OR8G5: variants seen among roughly 807,000 people sequenced by gnomAD.
OR8G5 encodes the protein olfactory receptor family 8 subfamily G member 5.
For missense variants in OR8G5, 347 were observed against 371.9 expected (o/e 0.93, Z 0.55); for synonymous variants, 147 against 147.7 (o/e 1.00, Z 0.03).
At position 124,256,420 on chromosome 11, in the gene OR8G5, A is replaced by G. The variant is rs1339130703; in HGVS notation, c.-229A>G. The G allele has an allele frequency of 6.6e-6, 1 of 152,246 alleles. No homozygotes were observed. Among genetic ancestry groups the G allele is most frequent in the African/African-American group, 2.4e-5 (1 of 41,466 alleles). 9.4% of individuals were successfully genotyped at this position (152,246 alleles called of 1,614,324 possible). On this transcript the variant is annotated 5_prime_UTR_variant, in exon 1 of 2. Transcript: ENST00000641992. ...GGATGTGTGCTAGAGCTAGAGAAAC[A>G]CAACTGAAAAGTGACAACTGGAGAT...
In OR8G5 at chr11:124,265,459, T is replaced by C. The variant is rs564166066; in HGVS notation, c.528T>C (p.His176=). 78 of 1,614,040 alleles carry C rather than the reference T, an allele frequency of 4.8e-5. 1 individual carries two copies. The South Asian group carries it at 6.9e-4, about 14-fold the overall frequency. Residue 176 remains histidine, a synonymous_variant, in exon 2 of 2, where the codon CAT becomes CAC. Coordinates refer to ENST00000641992, the MANE Select transcript of OR8G5 (RefSeq NM_001005198.2). ...TCTGCAAATTTGATGTGATCAACCA[T>C]TATTTCTGTGATCTTATTTCTATCT... ...VQFCKFDVIN[H]YFCDLISILK...
intron 1 of OR8G5, among the ~76,000 whole-genome samples, chr11:124,257,614 C>G (rs2137756191): frequency 6.6e-6 from 1 of 152,270 alleles, no homozygotes; most frequent in South Asian, 2.1e-4. Context: ...CAGGTAATCT[C>G]TTGGAGCTGC....
chr11:124,257,457 A>G (rs1259640296), intron 1 of OR8G5, among the ~76,000 whole-genome samples: 1 of 152,188 alleles, frequency 6.6e-6, no homozygotes, highest in African/African-American at 2.4e-5. Flanking sequence ...TACTCTCTTC[A>G]TGGAAGAGAG....
chr11:124,262,586 T>A (rs537216907), intron 1 of OR8G5, among the ~76,000 whole-genome samples: 1 of 152,128 alleles, frequency 6.6e-6, no homozygotes, highest in South Asian at 2.1e-4. Flanking sequence ...AGAAACATAA[T>A]GTTTTTGAGA....
rs899627174 is a variant in OR8G5, at chr11:124,265,958, A to G, written c.*91A>G. The stretch of plus-strand genomic sequence containing the variant: ...TGTCTTTCACTTTAGTGCATCTGTC[A>G]ACATTCTTTCTAATTTGGGGGGATT... On this transcript the variant is annotated 3_prime_UTR_variant, in exon 2 of 2. Transcript: ENST00000641992. 1.5e-5 allele frequency: 22 copies of G among 1,420,392 alleles called. No homozygotes were observed. In the Admixed American group the frequency reaches 6.1e-4, roughly 39 times the overall value. The allele number at this position is 1,420,392 out of a possible 1,614,324, so 88.0% of individuals were successfully genotyped here.
Position 124,265,884 on chromosome 11 carries a change from A to C in OR8G5, c.*17A>C. The C allele has an allele frequency of 6.3e-7, 1 of 1,582,906 alleles. No individual in the cohort carries two copies. The highest frequency in any genetic ancestry group is 2.3e-5 in the East Asian group (1 of 44,336). On this transcript the variant is annotated 3_prime_UTR_variant, in exon 2 of 2. Coordinates refer to ENST00000641992, the MANE Select transcript of OR8G5 (RefSeq NM_001005198.2). ...TTCTTATGAACAGAAGTACAATGAA[A>C]AAGATTGCATTAGATCTAAGTTTTT...
chr11:124,262,418 AAAACT>A (rs1861980216), intron 1 of OR8G5, among the ~76,000 whole-genome samples: 1 of 151,850 alleles, frequency 6.6e-6, no homozygotes, highest in South Asian at 2.1e-4. Flanking sequence ...TCAATTTAAG[AAAACT>A]AAAAAGAAAG....
chr11:124,256,701 T>A (rs935677108), intron 1 of OR8G5, 67 bp downstream of exon 1: 2 of 152,232 alleles, frequency 1.3e-5, no homozygotes, highest in Admixed American at 1.3e-4. Flanking sequence ...CTGTAAAAAC[T>A]GTAGGAAATA....
At chr11:124,264,892 T>A in intron 1 of OR8G5, 26 bp from the exon 2 acceptor site, 1 of 1,611,034 alleles carries the variant, frequency 6.2e-7, no homozygotes, top group Non-Finnish European at 8.5e-7. Flanking sequence ...TTCACCTAAA[T>A]ACCATGTTTT....
chr11:124,257,735 T>C (rs1190172006), intron 1 of OR8G5, among the ~76,000 whole-genome samples: 1 of 152,166 alleles, frequency 6.6e-6, no homozygotes, highest in Non-Finnish European at 1.5e-5. Context: ...GAAGGGGGTC[T>C]TAAGACAACT....
chr11:124,256,703 T>C (rs989735086), intron 1 of OR8G5, 69 bp downstream of exon 1: 2 of 152,212 alleles, frequency 1.3e-5, no homozygotes, highest in African/African-American at 4.8e-5. Flanking sequence ...GTAAAAACTG[T>C]AGGAAATATT....
At chr11:124,261,797 A>T (rs1005209062) in intron 1 of OR8G5, among the ~76,000 whole-genome samples, 2 of 151,996 alleles carry the variant, frequency 1.3e-5, no homozygotes, top group Non-Finnish European at 2.9e-5. Context: ...AGAAAATCTC[A>T]GCAATTTGAA....
intron 1 of OR8G5, among the ~76,000 whole-genome samples, chr11:124,262,609 G>A (rs188964211): frequency 1.3e-4 from 20 of 151,414 alleles, no homozygotes; most frequent in Admixed American, 2.6e-4. Context: ...CATGTTAAAC[G>A]TATTTGTGAT....
chr11:124,265,243 C>G lies in OR8G5; in HGVS notation c.312C>G (p.Phe104Leu), dbSNP rs1465611265. Residue 104 changes from phenylalanine to leucine, a missense_variant, in exon 2 of 2, where the codon TTC becomes TTG. Transcript: ENST00000641992. ...YPECMTQLYF[F>L]LVFAIAECHM... ...AATGCATGACTCAGCTCTACTTCTT[C>G]CTCGTTTTTGCTATTGCAGAGTGTC... 1 of 1,613,944 alleles carries G rather than the reference C, an allele frequency of 6.2e-7. No individual in the cohort carries two copies. The highest frequency in any genetic ancestry group is 8.5e-7 in the Non-Finnish European group (1 of 1,179,802).
intron 1 of OR8G5, among the ~76,000 whole-genome samples, chr11:124,263,223 C>A (rs974120210): frequency 9.9e-5 from 15 of 152,110 alleles, no homozygotes; most frequent in African/African-American, 3.6e-4. Flanking sequence ...TAAAAGTCCT[C>A]TGTCAGGCAT....
Position 124,266,002 on chromosome 11 carries a change from A to G in OR8G5, c.*135A>G. ...GGGGATTTTACTGACGTTATGTCTT[A>G]TGCACATGGTCTATTTCATGCCATT... On this transcript the variant is annotated 3_prime_UTR_variant, in exon 2 of 2. Transcript: ENST00000641992. 2.8e-6 allele frequency: 3 copies of G among 1,088,966 alleles called. 1 individual carries two copies. Among genetic ancestry groups the G allele is most frequent in the East Asian group, 5.2e-5 (2 of 38,392 alleles). The allele number at this position is 1,088,966 out of a possible 1,614,324, so 67.5% of individuals were successfully genotyped here.
chr11:124,257,097 TG>T (rs2137755860), intron 1 of OR8G5, among the ~76,000 whole-genome samples: 1 of 152,330 alleles, frequency 6.6e-6, no homozygotes, highest in South Asian at 2.1e-4. Context: ...AGGAACTGAA[TG>T]AAGCCAAATA....
intron 1 of OR8G5, among the ~76,000 whole-genome samples, chr11:124,259,926 G>A (rs752939256): frequency 7.9e-5 from 12 of 152,062 alleles, no homozygotes; most frequent in Non-Finnish European, 1.5e-4. Flanking sequence ...ATTGAGACGA[G>A]CTGTATTCTA....
At position 124,265,502 on chromosome 11, in the gene OR8G5, A is replaced by G. The variant is rs1862019488; in HGVS notation, c.571A>G (p.Ser191Gly). The change falls in exon 2 of 2, where the codon AGT becomes GGT. Residue 191 changes from serine (S) to glycine (G), a missense_variant. By Grantham distance (56) the Ser-to-Gly change is moderately conservative. Coordinates refer to ENST00000641992, the MANE Select transcript of OR8G5 (RefSeq NM_001005198.2). ...LISILKLSCSSTYINELLILI... is the reference protein window; with the variant it reads ...LISILKLSCSGTYINELLILI... ...TTCTATCTTGAAGCTCTCCTGTTCT[A>G]GTACTTACATTAATGAGTTACTGAT... The G allele has an allele frequency of 1.2e-6, 2 of 1,613,946 alleles. No individual in the cohort carries two copies. The highest frequency in any genetic ancestry group is 1.7e-6 in the Non-Finnish European group (2 of 1,179,832).
Sources: allele counts gnomAD v4.1 joint callset (sites outside exome capture counted in the v4.1 genomes callset), GRCh38; gene constraint gnomAD v4.1.1; transcripts MANE v1.5; gene names NCBI Gene and HGNC (gene_info 2026-07-23, HGNC 2026-07-21).